Variants in PLEKHG1 observed in about 807,000 individuals in gnomAD.
The protein encoded by PLEKHG1 is pleckstrin homology domain-containing family G member 1.
A neutral mutation model predicts 100.8 loss-of-function variants in PLEKHG1; 44 were observed. The observed-to-expected ratio is 0.44, with a 90% CI of 0.34 to 0.56. PLEKHG1 has a LOEUF of 0.56. Among genes scored for constraint, PLEKHG1 ranks in the 20% least tolerant of loss-of-function variants. PLEKHG1 has a pLI of 0.01. For missense variants in PLEKHG1, 1,545 were observed against 1,720.9 expected (o/e 0.90, Z 1.81); for synonymous variants, 640 against 662.5 (o/e 0.97, Z 0.52).
At chr6:150,754,747 C>A (rs1233842631) in intron 2 of PLEKHG1, among the ~76,000 whole-genome samples, 1 of 151,594 alleles carries the variant, frequency 6.6e-6, no homozygotes, top group African/African-American at 2.4e-5. Flanking sequence ...TGGCTCACCG[C>A]AACCTCTGCC....
intron 3 of PLEKHG1, among the ~76,000 whole-genome samples, chr6:150,784,710 T>C (rs1785509029): frequency 6.6e-6 from 1 of 152,058 alleles, no homozygotes; most frequent in African/African-American, 2.4e-5. Flanking sequence ...GAGACAAGAT[T>C]GATACTTCTG....
chr6:150,694,697 C>CA (rs558767058), intron 3 of PLEKHG1, among the ~76,000 whole-genome samples: 27,910 of 114,834 alleles, frequency 0.24, 3,013 homozygotes, highest in South Asian at 0.38. Flanking sequence ...GACTCTGTCT[C>CA]AAAAAAAAAA....
At chr6:150,661,159 G>GTCTA (rs1263888052) in intron 3 of PLEKHG1, among the ~76,000 whole-genome samples, 19 of 152,220 alleles carry the variant, frequency 1.2e-4, no homozygotes, top group African/African-American at 3.6e-4. Context: ...CACTCGCCTT[G>GTCTA]TCTACATGGT....
intron 3 of PLEKHG1, among the ~76,000 whole-genome samples, chr6:150,661,036 G>C (rs750561651): frequency 6.6e-5 from 10 of 152,156 alleles, no homozygotes; most frequent in Non-Finnish European, 7.3e-5. Flanking sequence ...GGTCAAGGAG[G>C]GGGAGTGAAT....
At chr6:150,679,547 T>C (rs1405624018) in intron 3 of PLEKHG1, among the ~76,000 whole-genome samples, 1 of 152,226 alleles carries the variant, frequency 6.6e-6, no homozygotes, top group Non-Finnish European at 1.5e-5. Context: ...AGCAATAGCA[T>C]ACTTTAAAAA....
At chr6:150,611,683 G>T (rs1328658502) in intron 1 of PLEKHG1, among the ~76,000 whole-genome samples, 1 of 152,062 alleles carries the variant, frequency 6.6e-6, no homozygotes, top group African/African-American at 2.4e-5. Context: ...ATGGTGGTGG[G>T]TGCCTGTAGT....
In PLEKHG1 at chr6:150,683,727, C is replaced by A; in HGVS notation, c.-99+32941C>A. On this transcript the variant is annotated intron_variant, in intron 3 of 3. Transcript: ENST00000367326. This position sits in a 1 kb window ranked among gnomAD's most constrained non-coding sequence, Gnocchi z 4.0. ...CTGAGTTGACACACGGACCCCTCTG[C>A]GCTAGTATCCAGGGCATAGGACGTC... is the stretch of plus-strand genomic sequence containing the variant. The A allele has an allele frequency of 1.7e-6, 2 of 1,206,000 alleles. No homozygotes were observed. The highest frequency in any genetic ancestry group is 2.2e-6 in the Non-Finnish European group (2 of 923,388). 74.7% of individuals were successfully genotyped at this position (1,206,000 alleles called of 1,614,324 possible).
At chr6:150,681,628 A>G (rs1232556792) in intron 3 of PLEKHG1, among the ~76,000 whole-genome samples, 1 of 152,026 alleles carries the variant, frequency 6.6e-6, no homozygotes. Context: ...ATGATTCCAC[A>G]TCCTCCAAAT....
At chr6:150,693,450 T>A (rs1277190218) in intron 3 of PLEKHG1, among the ~76,000 whole-genome samples, 1 of 152,216 alleles carries the variant, frequency 6.6e-6, no homozygotes, top group African/African-American at 2.4e-5. Context: ...AGCAGCTTCC[T>A]TCTACCCTTT....
chr6:150,777,791 C>T (rs997789158), intron 3 of PLEKHG1, among the ~76,000 whole-genome samples: 15 of 151,556 alleles, frequency 9.9e-5, no homozygotes, highest in Non-Finnish European at 1.8e-4. Flanking sequence ...TGCACATGTG[C>T]GGTTGCACAT....
At chr6:150,703,123 G>C (rs1476712083) in intron 3 of PLEKHG1, among the ~76,000 whole-genome samples, 1 of 152,086 alleles carries the variant, frequency 6.6e-6, no homozygotes, top group Non-Finnish European at 1.5e-5. Flanking sequence ...GGAGGCAGGG[G>C]AGTCAGACCC....
At chr6:150,624,827 T>C (rs776546186) in intron 1 of PLEKHG1, 1 of 152,312 alleles carries the variant, frequency 6.6e-6, no homozygotes, top group Non-Finnish European at 1.5e-5. Flanking sequence ...TGAAATCCAG[T>C]TTGGCTGAAA....
intron 3 of PLEKHG1, among the ~76,000 whole-genome samples, chr6:150,700,105 G>A (rs1370421003): frequency 2.0e-5 from 3 of 152,148 alleles, no homozygotes; most frequent in African/African-American, 7.2e-5. Flanking sequence ...ACAGTGAATC[G>A]GGGTGAACCT....
At chr6:150,836,590 G>A (rs1777231150) in intron 15 of PLEKHG1, among the ~76,000 whole-genome samples, 1 of 152,058 alleles carries the variant, frequency 6.6e-6, no homozygotes, top group African/African-American at 2.4e-5. Flanking sequence ...GCCAAAGCAG[G>A]AAGATTGCTT....
rs1372777553 is a variant in PLEKHG1 at position 150,682,176 on chromosome 6, GCAGGCCCAGCGACA to G, written c.-99+31392_-99+31405del. Among the ~76,000 whole-genome samples, 3 of 152,072 alleles carry G rather than the reference GCAGGCCCAGCGACA, an allele frequency of 2.0e-5. No individual in the cohort carries two copies. In the East Asian group the frequency reaches 5.8e-4, roughly 29 times the overall value. On this transcript the variant is annotated intron_variant, in intron 3 of 3. Coordinates refer to the PLEKHG1 transcript ENST00000367326. ...GCCTGCATGTCTGGGCCTTGTGCTG[GCAGGCCCAGCGACA>G]CTCCAGAAAGAGCCACTCACCTGTG...
intron 3 of PLEKHG1, among the ~76,000 whole-genome samples, chr6:150,711,142 G>T (rs559476456): frequency 6.6e-6 from 1 of 152,112 alleles, no homozygotes; most frequent in Admixed American, 6.5e-5. Flanking sequence ...GTTGGCATGA[G>T]GACTTAAAAT....
chr6:150,711,528 C>G (rs1180405638), intron 3 of PLEKHG1, among the ~76,000 whole-genome samples: 1 of 152,142 alleles, frequency 6.6e-6, no homozygotes, highest in Non-Finnish European at 1.5e-5. Flanking sequence ...TGTCTGGTAA[C>G]TAACAGTATC....
chr6:150,785,680 A>G lies in PLEKHG1; in HGVS notation c.513-710A>G, dbSNP rs187428554. The stretch of plus-strand genomic sequence containing the variant: ...TGCTTGACTCTTCCAATGGATTGGA[A>G]GCTCCATAAGACCAGAGCCATGGAG... On this transcript the variant is annotated intron_variant, in intron 3 of 15. Coordinates refer to ENST00000358517, the Ensembl canonical transcript of PLEKHG1. Among the ~76,000 whole-genome samples, 5 of 152,152 alleles carry G rather than the reference A, an allele frequency of 3.3e-5. No homozygotes were observed. The East Asian group carries it at 9.7e-4, about 30-fold the overall frequency.
chr6:150,767,214 T>C (rs1190735588), intron 2 of PLEKHG1, among the ~76,000 whole-genome samples: 1 of 149,790 alleles, frequency 6.7e-6, no homozygotes, highest in Non-Finnish European at 1.5e-5. Flanking sequence ...TTTTCTTTTT[T>C]GGGCCTTTTT....
Sources: allele counts gnomAD v4.1 joint callset (sites outside exome capture counted in the v4.1 genomes callset), GRCh38; gene constraint gnomAD v4.1.1; non-coding constraint Gnocchi (gnomAD v3.1); transcripts MANE v1.5; gene names NCBI Gene and HGNC (gene_info 2026-07-23, HGNC 2026-07-21).